Variants in PDE4B observed in about 807,000 individuals in gnomAD.
The protein encoded by PDE4B is phosphodiesterase 4B.
PDE4B carries 20 observed loss-of-function variants against 82.2 expected under a neutral mutation model. The observed-to-expected ratio is 0.24, with a 90% confidence interval of 0.17 to 0.35. The LOEUF (loss-of-function observed/expected upper bound fraction) is 0.35, where lower values mean the gene tolerates loss of function less well. Ranked by LOEUF, PDE4B falls within the 10% of genes least tolerant of loss-of-function variation. The pLI is 1.00. For synonymous variants in PDE4B, 320 were observed against 318.9 expected, an observed-to-expected ratio of 1.00 and a Z score of -0.04; for missense variants, 655 against 907.2, an observed-to-expected ratio of 0.72 and a Z score of 3.57.
chr1:66,108,284 C>CT (rs531515433), intron 3 of PDE4B, among the ~76,000 whole-genome samples: 7 of 151,636 alleles, frequency 4.6e-5, no homozygotes, highest in Non-Finnish European at 1.0e-4. Context: ...AGTTTGATTT[C>CT]TTTTTTTTAG....
intron 3 of PDE4B, among the ~76,000 whole-genome samples, chr1:66,087,657 G>A (rs1657075437): frequency 6.6e-6 from 1 of 151,958 alleles, no homozygotes; most frequent in South Asian, 2.1e-4. Flanking sequence ...AGAAAATGTG[G>A]CACTTATACA....
At chr1:66,193,031 A>G (rs1020172216) in intron 3 of PDE4B, among the ~76,000 whole-genome samples, 3 of 152,312 alleles carry the variant, frequency 2.0e-5, no homozygotes, top group East Asian at 3.9e-4. Context: ...AAGAATTGCT[A>G]AATTGACACA....
At chr1:66,095,349 T>C (rs900058975) in intron 3 of PDE4B, among the ~76,000 whole-genome samples, 4 of 151,930 alleles carry the variant, frequency 2.6e-5, no homozygotes, top group African/African-American at 7.2e-5. Context: ...AAATGATGTA[T>C]TGTGTCTAAC....
At chr1:66,253,749 C>A (rs891864287) in intron 4 of PDE4B, among the ~76,000 whole-genome samples, 1 of 152,042 alleles carries the variant, frequency 6.6e-6, no homozygotes, top group Non-Finnish European at 1.5e-5. Flanking sequence ...TGTTTTGTTT[C>A]TTTTCTGTTA....
chr1:66,334,434 T>C (rs945890772), intron 8 of PDE4B, among the ~76,000 whole-genome samples: 1 of 152,238 alleles, frequency 6.6e-6, no homozygotes, highest in Non-Finnish European at 1.5e-5. Context: ...GCATAGTAGT[T>C]AGTAAGGCTC....
chr1:65,983,777 C>CA (rs34844953), intron 3 of PDE4B, among the ~76,000 whole-genome samples: 41,378 of 150,946 alleles, frequency 0.27, 5,902 homozygotes, highest in East Asian at 0.45. Context: ...ACCACCCACT[C>CA]ATTTGTACTT....
intron 3 of PDE4B, among the ~76,000 whole-genome samples, chr1:66,074,640 C>A (rs1394063686): frequency 6.6e-6 from 1 of 151,986 alleles, no homozygotes; most frequent in East Asian, 1.9e-4. Flanking sequence ...TCCTCATTTC[C>A]CCCTCCCCCA....
chr1:66,056,539 CT>C (rs965060511), intron 3 of PDE4B, among the ~76,000 whole-genome samples: 44 of 151,354 alleles, frequency 2.9e-4, no homozygotes, highest in African/African-American at 7.5e-4. Context: ...TATCATCTAT[CT>C]ATCTATCTAT....
intron 3 of PDE4B, among the ~76,000 whole-genome samples, chr1:65,975,268 A>G (rs568121713): frequency 6.6e-6 from 1 of 152,336 alleles, no homozygotes; most frequent in East Asian, 1.9e-4. Flanking sequence ...GGAACTTTGA[A>G]CTTGAGAGAT....
chr1:66,314,307 C>T (rs1414559752), intron 7 of PDE4B, among the ~76,000 whole-genome samples: 2 of 152,332 alleles, frequency 1.3e-5, no homozygotes, highest in East Asian at 1.9e-4. Context: ...CCTCATGCCT[C>T]ACCCCTATTC....
chr1:66,025,563 CTGCTA>C (rs1653388567), intron 3 of PDE4B, among the ~76,000 whole-genome samples: 2 of 152,156 alleles, frequency 1.3e-5, no homozygotes, highest in Non-Finnish European at 2.9e-5. Context: ...TACCTATTGT[CTGCTA>C]TGCCAGTTTG....
chr1:65,860,873 C>A (rs1025360545), intron 1 of PDE4B, among the ~76,000 whole-genome samples: 8 of 152,088 alleles, frequency 5.3e-5, no homozygotes, highest in African/African-American at 1.4e-4. Flanking sequence ...TCATATCCTT[C>A]ACCCACTTTT....
At chr1:66,139,286 A>G (rs1386070393) in intron 3 of PDE4B, among the ~76,000 whole-genome samples, 3 of 152,214 alleles carry the variant, frequency 2.0e-5, no homozygotes, top group Non-Finnish European at 4.4e-5. Flanking sequence ...TGTTGGCACA[A>G]TTCAGTTCCT....
At chr1:65,896,350 A>G (rs1170937172) in intron 1 of PDE4B, among the ~76,000 whole-genome samples, 1 of 152,176 alleles carries the variant, frequency 6.6e-6, no homozygotes, top group Non-Finnish European at 1.5e-5. Flanking sequence ...CACTATCACT[A>G]GAATAGTGTG....
intron 7 of PDE4B, among the ~76,000 whole-genome samples, chr1:66,326,117 T>C (rs1236178470): frequency 6.6e-6 from 1 of 152,234 alleles, no homozygotes. Context: ...ACTCAAACTC[T>C]GTTGATACCC....
At chr1:66,012,103 T>C (rs1190728974) in intron 3 of PDE4B, among the ~76,000 whole-genome samples, 1 of 152,134 alleles carries the variant, frequency 6.6e-6, no homozygotes, top group Non-Finnish European at 1.5e-5. Context: ...TTTTCTGAAC[T>C]TGCATGCCAC....
intron 1 of PDE4B, among the ~76,000 whole-genome samples, chr1:65,902,719 T>C (rs1188758189): frequency 6.6e-6 from 1 of 152,190 alleles, no homozygotes; most frequent in African/African-American, 2.4e-5. Context: ...TAATGCTCAA[T>C]AAATTGTTGT....
intron 3 of PDE4B, among the ~76,000 whole-genome samples, chr1:65,936,076 C>T (rs78191445): frequency 0.054 from 8,164 of 151,348 alleles, 310 homozygotes; most frequent in Middle Eastern, 0.18. Context: ...TTGTTAAAAA[C>T]GAAGACACAA....
intron 3 of PDE4B, among the ~76,000 whole-genome samples, chr1:65,934,649 T>A (rs1406155575): frequency 6.6e-6 from 1 of 152,218 alleles, no homozygotes; most frequent in Non-Finnish European, 1.5e-5. Flanking sequence ...AAACTCACTT[T>A]AGATTTAAAG....
Sources: gnomAD v4.1 joint callset for allele counts (sites outside exome capture counted in the v4.1 genomes callset) on GRCh38, gnomAD v4.1.1 for gene constraint, MANE v1.5 for transcripts, NCBI Gene and HGNC (gene_info 2026-07-23, HGNC 2026-07-21) for gene names.